FTCDNL1: variants seen among roughly 807,000 people sequenced by gnomAD.
FTCDNL1 encodes formiminotransferase N-terminal subdomain-containing protein.
In FTCDNL1, 11 loss-of-function variants were observed where a neutral mutation model predicts 5.9. That is an observed-to-expected ratio of 1.87 (90% confidence interval 1.18 to 3.10). The LOEUF is 3.10. Ranked by LOEUF, FTCDNL1 falls within the 30% of genes most tolerant of loss-of-function variation. FTCDNL1 has a pLI of 0.00. For synonymous variants in FTCDNL1, 58 were observed against 24.8 expected (o/e 2.34, Z -3.99); for missense variants, 115 against 65.5 (o/e 1.76, Z -2.61).
chr2:199,789,157 C>G (rs983288396), intron 3 of FTCDNL1, among the ~76,000 whole-genome samples: 9 of 151,962 alleles, frequency 5.9e-5, no homozygotes, highest in African/African-American at 2.2e-4. Flanking sequence ...ACAGCAATTA[C>G]ACCAAAACCT....
chr2:199,733,832 T>C, the FTCDNL1 span, among the ~76,000 whole-genome samples: 1 of 152,204 alleles, frequency 6.6e-6, no homozygotes, highest in Non-Finnish European at 1.5e-5. Context: ...ACATTTTATG[T>C]TTATTGGGTC....
intron 3 of FTCDNL1, among the ~76,000 whole-genome samples, chr2:199,771,165 T>TA (rs1698789665): frequency 6.6e-6 from 1 of 152,174 alleles, no homozygotes; most frequent in Admixed American, 6.5e-5. Flanking sequence ...CATATGAATG[T>TA]AAAAATTAGC....
chr2:199,835,278 C>A (rs2106605154), intron 3 of FTCDNL1, among the ~76,000 whole-genome samples: 1 of 152,320 alleles, frequency 6.6e-6, no homozygotes, highest in East Asian at 1.9e-4. Flanking sequence ...CAGTCCCACA[C>A]AGGCTACGGG....
chr2:199,675,338 G>A, the FTCDNL1 span, among the ~76,000 whole-genome samples: 1 of 151,936 alleles, frequency 6.6e-6, no homozygotes, highest in African/African-American at 2.4e-5. Flanking sequence ...ATAAAGGTTG[G>A]AATAAGTGTA....
At chr2:199,754,472 A>G in the FTCDNL1 span, among the ~76,000 whole-genome samples, 2 of 152,140 alleles carry the variant, frequency 1.3e-5, no homozygotes, top group Non-Finnish European at 2.9e-5. Flanking sequence ...CTTTAACACC[A>G]GGAGGCCACC....
At chr2:199,694,141 C>T in the FTCDNL1 span, among the ~76,000 whole-genome samples, 2 of 152,070 alleles carry the variant, frequency 1.3e-5, no homozygotes, top group African/African-American at 2.4e-5. Flanking sequence ...TGCCCTTGCC[C>T]CCTGAGCAGT....
the FTCDNL1 span, among the ~76,000 whole-genome samples, chr2:199,729,380 G>C: frequency 6.6e-6 from 1 of 152,174 alleles, no homozygotes; most frequent in Non-Finnish European, 1.5e-5. Flanking sequence ...AGAAATAAAA[G>C]GTGTTCAAAT....
At chr2:199,745,786 C>T in the FTCDNL1 span, among the ~76,000 whole-genome samples, 1 of 152,170 alleles carries the variant, frequency 6.6e-6, no homozygotes, top group South Asian at 2.1e-4. Context: ...CAGTGAAATG[C>T]ATATTGCACG....
chr2:199,681,185 G>T, the FTCDNL1 span, among the ~76,000 whole-genome samples: 19 of 152,226 alleles, frequency 1.2e-4, no homozygotes, highest in African/African-American at 4.1e-4. Context: ...CAGGCGTGGT[G>T]GCTCACACCT....
chr2:199,691,500 T>C, the FTCDNL1 span, among the ~76,000 whole-genome samples: 1 of 152,232 alleles, frequency 6.6e-6, no homozygotes, highest in South Asian at 2.1e-4. Context: ...TGTTTCTAGG[T>C]AAATATTTTC....
At chr2:199,701,299 T>TAAAAAAAAA in the FTCDNL1 span, among the ~76,000 whole-genome samples, 1 of 72,354 alleles carries the variant, frequency 1.4e-5, no homozygotes, top group African/African-American at 4.5e-5. Flanking sequence ...CTTGAAAGTT[T>TAAAAAAAAA]AAAAAAAAAA....
At chr2:199,728,483 C>T in the FTCDNL1 span, among the ~76,000 whole-genome samples, 8 of 152,126 alleles carry the variant, frequency 5.3e-5, no homozygotes, top group East Asian at 7.7e-4. Context: ...CTCCTGACCT[C>T]GTGATCCGCC....
the FTCDNL1 span, among the ~76,000 whole-genome samples, chr2:199,747,597 T>C: frequency 1.4e-5 from 2 of 138,588 alleles, no homozygotes; most frequent in African/African-American, 2.7e-5. Context: ...CAAAGAAATA[T>C]GTCTTTTCTC....
At chr2:199,822,346 A>G (rs1391727542) in intron 3 of FTCDNL1, among the ~76,000 whole-genome samples, 1 of 152,192 alleles carries the variant, frequency 6.6e-6, no homozygotes, top group Admixed American at 6.5e-5. Context: ...CAAGGCTGCA[A>G]TGAGCTGAGA....
chr2:199,683,034 A>G, the FTCDNL1 span, among the ~76,000 whole-genome samples: 1 of 152,322 alleles, frequency 6.6e-6, no homozygotes, highest in East Asian at 1.9e-4. Context: ...GAGAGAACAC[A>G]GTTTTTCAAA....
intron 3 of FTCDNL1, among the ~76,000 whole-genome samples, chr2:199,787,886 C>G (rs904602512): frequency 3.3e-5 from 5 of 152,120 alleles, no homozygotes; most frequent in Non-Finnish European, 4.4e-5. Flanking sequence ...TATATGAACA[C>G]GTACTTTTCC....
chr2:199,728,849 G>A, the FTCDNL1 span, among the ~76,000 whole-genome samples: 1 of 152,148 alleles, frequency 6.6e-6, no homozygotes, highest in African/African-American at 2.4e-5. Flanking sequence ...GACAATAAAT[G>A]AACATCAGGG....
Position 199,810,151 on chromosome 2 carries a change from C to T in FTCDNL1, c.*2554G>A, listed in dbSNP as rs565766150. Among the ~76,000 whole-genome samples, 3 of 152,112 alleles carry T rather than the reference C, an allele frequency of 2.0e-5. No homozygotes were observed. The East Asian group carries it at 5.8e-4, about 29-fold the overall frequency. On this transcript the variant is annotated 3_prime_UTR_variant, in exon 5 of 5. Coordinates refer to ENST00000420128, the MANE Select transcript of FTCDNL1 (RefSeq NM_001363886.2). ...CAGGCCTTAGACCTTCATTCATTTC[C>T]AAGGCCATCTCCATGGGGGCTTGAA...
chr2:199,728,886 C>T, the FTCDNL1 span, among the ~76,000 whole-genome samples: 3 of 152,190 alleles, frequency 2.0e-5, no homozygotes, highest in Non-Finnish European at 4.4e-5. Flanking sequence ...GTGCTTATTT[C>T]CCAGGTTTCC....
Sources: allele counts gnomAD v4.1 joint callset (sites outside exome capture counted in the v4.1 genomes callset), GRCh38; gene constraint gnomAD v4.1.1; transcripts MANE v1.5; gene names NCBI Gene and HGNC (gene_info 2026-07-23, HGNC 2026-07-21).